Variants in SCN11A observed in about 807,000 individuals in gnomAD.
SCN11A encodes sodium voltage-gated channel alpha subunit 11.
SCN11A carries 122 observed loss-of-function variants against 162.2 expected under a neutral mutation model. That is an observed-to-expected ratio of 0.75 (90% CI 0.65 to 0.87). The LOEUF is 0.87. SCN11A is among the 40% of genes least tolerant of loss of function. SCN11A has a pLI of 0.00. For missense variants in SCN11A, 2,015 were observed against 2,181.6 expected (o/e 0.92, Z 1.52); for synonymous variants, 758 against 751.5 (o/e 1.01, Z -0.14).
At chr3:38,906,593 C>T (rs960783501) in intron 14 of SCN11A, among the ~76,000 whole-genome samples, 7 of 152,130 alleles carry the variant, frequency 4.6e-5, no homozygotes, top group African/African-American at 1.4e-4. Flanking sequence ...CTCCAGATCA[C>T]GGTCGTCTGT....
At chr3:38,908,282 C>T (rs957507321) in intron 13 of SCN11A, among the ~76,000 whole-genome samples, 160 bp from the exon 14 acceptor site, 1 of 152,158 alleles carries the variant, frequency 6.6e-6, no homozygotes, top group Non-Finnish European at 1.5e-5. Context: ...TGTTATTTAT[C>T]TGGGGAAACA....
intron 4 of SCN11A, chr3:38,950,593 A>G (rs769829495): frequency 5.6e-6 from 3 of 532,838 alleles, no homozygotes; most frequent in Non-Finnish European, 1.0e-5. Context: ...AAAGCAGGGC[A>G]TCATTCCTGG....
At chr3:38,870,657 T>TA in intron 26 of SCN11A, 34 bp downstream of exon 26, 2 of 1,588,154 alleles carry the variant, frequency 1.3e-6, no homozygotes, top group Non-Finnish European at 1.7e-6. Flanking sequence ...GACTTGACCA[T>TA]AACACTCCAG....
intron 9 of SCN11A, among the ~76,000 whole-genome samples, 168 bp downstream of exon 9, chr3:38,925,247 G>A (rs1036177226): frequency 6.6e-6 from 1 of 150,932 alleles, no homozygotes; most frequent in Admixed American, 6.7e-5. Context: ...AGTTAGCACA[G>A]TGCCTGGACA....
At chr3:39,028,744 G>T (rs1427522773) in intron 2 of SCN11A, among the ~76,000 whole-genome samples, 2 of 152,068 alleles carry the variant, frequency 1.3e-5, no homozygotes, top group African/African-American at 4.8e-5. Flanking sequence ...AAACATGAGG[G>T]GTGGCCTTGT....
intron 20 of SCN11A, 82 bp from the exon 21 acceptor site, chr3:38,885,484 G>A (rs2065382964): frequency 1.3e-6 from 1 of 777,874 alleles, no homozygotes. Context: ...CTCATTGTCT[G>A]ATTTTTTAAG....
At position 38,887,542 on chromosome 3, in the gene SCN11A, A is replaced by C. The variant is rs142103679; in HGVS notation, c.2836-1304T>G. On this transcript the variant is annotated intron_variant, in intron 19 of 29. Transcript: ENST00000302328. ...CATGGCATATGTATACATATGTAAC[A>C]AACCTGCACGTTGTGCACATGTACC... 2.4e-3 allele frequency among the ~76,000 whole-genome samples: 368 copies of C among 152,178 alleles called. 8 individuals are homozygous for C. The highest frequency in any genetic ancestry group is 0.021 in the Admixed American group (316 of 15,294).
At chr3:38,976,023 T>C (rs1364649386) in intron 2 of SCN11A, among the ~76,000 whole-genome samples, 1 of 152,138 alleles carries the variant, frequency 6.6e-6, no homozygotes, top group African/African-American at 2.4e-5. Flanking sequence ...GGAAATTGTT[T>C]AGAATTTTTT....
intron 11 of SCN11A, among the ~76,000 whole-genome samples, chr3:38,918,027 G>A (rs2065986969): frequency 6.6e-6 from 1 of 151,850 alleles, no homozygotes; most frequent in Admixed American, 6.6e-5. Flanking sequence ...TGTGTCTGAT[G>A]TTATTTGAGT....
chr3:38,897,917 A>G (rs183727942), intron 17 of SCN11A, among the ~76,000 whole-genome samples: 6 of 152,128 alleles, frequency 3.9e-5, no homozygotes, highest in Non-Finnish European at 7.4e-5. Context: ...CAGAGACAAG[A>G]ATACTTTTCC....
intron 17 of SCN11A, among the ~76,000 whole-genome samples, chr3:38,898,111 G>A (rs1037702587): frequency 3.3e-5 from 5 of 152,078 alleles, no homozygotes; most frequent in South Asian, 2.1e-4. Flanking sequence ...GGTGGTGTGC[G>A]TCTGTAGTCC....
intron 10 of SCN11A, 104 bp downstream of exon 10, chr3:38,920,972 C>T (rs1324690421): frequency 9.4e-7 from 1 of 1,064,098 alleles, no homozygotes; most frequent in Admixed American, 1.9e-5. Context: ...TCCTCCCTTG[C>T]TGCTAAGAGA....
chr3:39,010,584 T>C (rs2031103482), intron 2 of SCN11A, among the ~76,000 whole-genome samples: 1 of 152,098 alleles, frequency 6.6e-6, no homozygotes, highest in African/African-American at 2.4e-5. Flanking sequence ...TTCACTGTGT[T>C]AGCCAGGATG....
At chr3:38,989,104 T>TG (rs1377295489) in intron 2 of SCN11A, among the ~76,000 whole-genome samples, 1 of 152,148 alleles carries the variant, frequency 6.6e-6, no homozygotes, top group East Asian at 1.9e-4. Flanking sequence ...ATGCTCACTC[T>TG]GGGGGAAAGC....
At chr3:38,867,588 G>A in intron 26 of SCN11A, 130 bp from the exon 27 acceptor site, 2 of 657,922 alleles carry the variant, frequency 3.0e-6, no homozygotes, top group Non-Finnish European at 5.1e-6. Flanking sequence ...CTTCCTAACA[G>A]CCATAGCCCC....
At chr3:38,881,982 C>G (rs1199551305) in intron 22 of SCN11A, among the ~76,000 whole-genome samples, 1 of 152,062 alleles carries the variant, frequency 6.6e-6, no homozygotes, top group East Asian at 1.9e-4. Flanking sequence ...ATCATAAGTA[C>G]CATTTGTGGA....
At position 38,975,074 on chromosome 3, in the gene SCN11A, A is replaced by G. The variant is rs1041294207; in HGVS notation, c.-279-14651T>C. Among the ~76,000 whole-genome samples the G allele has an allele frequency of 5.3e-5, 8 of 150,580 alleles. No homozygotes were observed. In the Middle Eastern group the frequency reaches 0.014, roughly 256 times the overall value. ...ATCAGTAGAGTAAAATGTTCAATAT[A>G]TTGAGAGGAAAAAACCCAAAACTGT... On this transcript the variant is annotated intron_variant, in intron 2 of 29. Transcript: ENST00000302328.
At chr3:39,001,870 TAAAAAAAATACAAAAAATTAGC>T (rs2030825071) in intron 2 of SCN11A, among the ~76,000 whole-genome samples, 1 of 151,508 alleles carries the variant, frequency 6.6e-6, no homozygotes, top group Admixed American at 6.6e-5. Flanking sequence ...CCGTCTCTAC[TAAAAAAAATACAAAAAATTAGC>T]TGGGCGTGGT....
At chr3:38,959,713 A>G (rs927105300) in intron 3 of SCN11A, among the ~76,000 whole-genome samples, 3 of 152,196 alleles carry the variant, frequency 2.0e-5, no homozygotes, top group Admixed American at 6.5e-5. Context: ...CACATAATCC[A>G]TATTTATTAA....
Sources: allele counts gnomAD v4.1 joint callset (sites outside exome capture counted in the v4.1 genomes callset), GRCh38; gene constraint gnomAD v4.1.1; transcripts MANE v1.5; gene names NCBI Gene and HGNC (gene_info 2026-07-23, HGNC 2026-07-21).